Variants in OTUD7A observed in about 807,000 individuals in gnomAD.
The protein encoded by OTUD7A is OTU deubiquitinase 7A.
A neutral mutation model predicts 65.7 loss-of-function variants in OTUD7A; 12 were observed. The ratio of observed to expected loss-of-function variants is 0.18; its 90% CI spans 0.12 to 0.30. The LOEUF (loss-of-function observed/expected upper bound fraction) is 0.30, where lower values mean the gene tolerates loss of function less well. Among genes scored for constraint, OTUD7A ranks in the 10% least tolerant of loss-of-function variants. OTUD7A has a pLI of 1.00. For missense variants in OTUD7A, 1,148 were observed against 1,304.8 expected, an observed-to-expected ratio of 0.88 and a Z score of 1.85; for synonymous variants, 641 against 586.3, an observed-to-expected ratio of 1.09 and a Z score of -1.35.
chr15:31,781,304 A>T (rs1409066303), intron 1 of OTUD7A, among the ~76,000 whole-genome samples: 1 of 152,132 alleles, frequency 6.6e-6, no homozygotes, highest in African/African-American at 2.4e-5. Flanking sequence ...AGGCCAAGCC[A>T]CGTGTAGAGG....
intron 3 of OTUD7A, among the ~76,000 whole-genome samples, chr15:31,613,104 G>GA (rs199565038): frequency 0.03 from 4,530 of 152,226 alleles, 224 homozygotes; most frequent in African/African-American, 0.1. Context: ...GTAGGAGAAT[G>GA]AAACAGGATC....
At chr15:31,635,851 G>A (rs1339101768) in intron 3 of OTUD7A, among the ~76,000 whole-genome samples, 2 of 152,238 alleles carry the variant, frequency 1.3e-5, no homozygotes, top group African/African-American at 4.8e-5. Flanking sequence ...CACTCTCCCT[G>A]CACTGTCACC....
chr15:31,481,670 A>C lies in OTUD7A; in HGVS notation c.*1624T>G, dbSNP rs1162949808. On this transcript the variant is annotated 3_prime_UTR_variant, in exon 13 of 13. Coordinates refer to ENST00000307050, the MANE Select transcript of OTUD7A (RefSeq NM_001382637.1). ...CCTGCTGTGGAATAATTAAAAACAA[A>C]AAGGCATTACTCACAGGAGATACTC... 2.6e-5 allele frequency: 4 copies of C among 152,520 alleles called. No homozygotes were observed. The highest frequency in any genetic ancestry group is 5.9e-5 in the Non-Finnish European group (4 of 68,044). The allele number at this position is 152,520 out of a possible 1,614,324, so 9.4% of individuals were successfully genotyped here.
intron 1 of OTUD7A, among the ~76,000 whole-genome samples, chr15:31,804,280 T>C (rs1032676594): frequency 6.6e-6 from 1 of 152,216 alleles, no homozygotes; most frequent in Non-Finnish European, 1.5e-5. Flanking sequence ...TACCAACGTA[T>C]GTCCAGGAAA....
At chr15:31,766,043 A>C (rs550230169) in intron 1 of OTUD7A, 83 of 1,556,140 alleles carry the variant, frequency 5.3e-5, no homozygotes, top group Middle Eastern at 2.2e-4. Flanking sequence ...GCAAAGGAGC[A>C]AATAGTCCAT....
At chr15:31,560,672 C>T (rs1223974747) in intron 4 of OTUD7A, among the ~76,000 whole-genome samples, 1 of 152,206 alleles carries the variant, frequency 6.6e-6, no homozygotes, top group Non-Finnish European at 1.5e-5. Flanking sequence ...ATTCAAAAGC[C>T]TGCTGCCTGT....
rs542816213 is a variant in OTUD7A, at chr15:31,732,368, C to T, written c.-99-75291G>A. ...GCTCTGAGAGATGCCTGATCTCCCC[C>T]AAGGGGAAGCTGGGGTTAAAAGGGT... is the stretch of plus-strand genomic sequence containing the variant. On this transcript the variant is annotated intron_variant, in intron 1 of 12. Coordinates refer to ENST00000307050, the MANE Select transcript of OTUD7A (RefSeq NM_001382637.1). 7.9e-5 allele frequency among the ~76,000 whole-genome samples: 12 copies of T among 152,328 alleles called. No homozygotes were observed. In the South Asian group the frequency reaches 1.9e-3, roughly 24 times the overall value.
chr15:31,777,216 G>C (rs1895406835), intron 1 of OTUD7A, among the ~76,000 whole-genome samples: 2 of 152,084 alleles, frequency 1.3e-5, no homozygotes, highest in African/African-American at 4.8e-5. Flanking sequence ...CAGCCTTTTG[G>C]CAAGGGGTCT....
At chr15:31,778,223 G>A (rs1895440015) in intron 1 of OTUD7A, among the ~76,000 whole-genome samples, 1 of 152,192 alleles carries the variant, frequency 6.6e-6, no homozygotes, top group Non-Finnish European at 1.5e-5. Flanking sequence ...CTACAAGGCT[G>A]TTCTGCAGGA....
At chr15:31,805,032 G>A (rs1344429334) in intron 1 of OTUD7A, among the ~76,000 whole-genome samples, 1 of 152,180 alleles carries the variant, frequency 6.6e-6, no homozygotes, top group Non-Finnish European at 1.5e-5. Flanking sequence ...GAAGCTCCTC[G>A]GCTGGCCAGG....
At chr15:31,682,915 A>T (rs1002919195) in intron 1 of OTUD7A, among the ~76,000 whole-genome samples, 7 of 152,242 alleles carry the variant, frequency 4.6e-5, no homozygotes, top group Admixed American at 2.6e-4. Context: ...GCACATTCGC[A>T]TAACTGTGTG....
At chr15:31,572,128 A>G (rs1049397844) in intron 3 of OTUD7A, among the ~76,000 whole-genome samples, 3 of 152,222 alleles carry the variant, frequency 2.0e-5, no homozygotes, top group Non-Finnish European at 4.4e-5. Context: ...TATGGGAGAT[A>G]TTAGCTGACT....
In OTUD7A at chr15:31,588,677, G is replaced by C. The variant is rs566582751; in HGVS notation, c.152-18480C>G. ...TTCCTTTCTGCACACAGCAGTCCAG[G>C]GTGGAGTCCAGGCCTCTGATGGTTC... On this transcript the variant is annotated intron_variant, in intron 3 of 12. Coordinates refer to ENST00000307050, the MANE Select transcript of OTUD7A (RefSeq NM_001382637.1). 2.0e-5 allele frequency among the ~76,000 whole-genome samples: 3 copies of C among 152,304 alleles called. No homozygotes were observed. The East Asian group carries it at 5.8e-4, about 29-fold the overall frequency.
At chr15:31,514,048 T>C (rs2041804541) in intron 8 of OTUD7A, among the ~76,000 whole-genome samples, 1 of 68,404 alleles carries the variant, frequency 1.5e-5, no homozygotes, top group South Asian at 3.1e-4. Flanking sequence ...TTTCTTTCTT[T>C]CTTTCTTTCT....
intron 8 of OTUD7A, among the ~76,000 whole-genome samples, chr15:31,514,938 T>C (rs1566895876): frequency 6.6e-6 from 1 of 152,220 alleles, no homozygotes; most frequent in Non-Finnish European, 1.5e-5. Context: ...TTTGAAACAC[T>C]GCAGGTGATT....
intron 5 of OTUD7A, among the ~76,000 whole-genome samples, chr15:31,545,491 T>C (rs1888102743): frequency 6.6e-6 from 1 of 152,010 alleles, no homozygotes; most frequent in Non-Finnish European, 1.5e-5. Context: ...GTAGGGTGGG[T>C]GAAGATATTG....
intron 1 of OTUD7A, among the ~76,000 whole-genome samples, chr15:31,814,805 T>G (rs899851795): frequency 2.6e-4 from 39 of 152,322 alleles, no homozygotes; most frequent in Non-Finnish European, 4.4e-5. Context: ...ATTACAGGTG[T>G]GAGCCACTGG....
chr15:31,730,009 C>T (rs1038654917), intron 1 of OTUD7A, among the ~76,000 whole-genome samples: 1 of 152,106 alleles, frequency 6.6e-6, no homozygotes, highest in Non-Finnish European at 1.5e-5. Flanking sequence ...AACCCTAGCC[C>T]CCCAGGGTAA....
chr15:31,665,453 T>C (rs1441905837), intron 1 of OTUD7A, among the ~76,000 whole-genome samples: 1 of 152,220 alleles, frequency 6.6e-6, no homozygotes, highest in Non-Finnish European at 1.5e-5. Flanking sequence ...ATTGATTTGA[T>C]TCTCTGCTTG....
Sources: gnomAD v4.1 joint callset for allele counts (sites outside exome capture counted in the v4.1 genomes callset) on GRCh38, gnomAD v4.1.1 for gene constraint, MANE v1.5 for transcripts, NCBI Gene and HGNC (gene_info 2026-07-23, HGNC 2026-07-21) for gene names.